The following AJAP1 variants were observed in gnomAD, a reference collection of about 807,000 sequenced individuals.
AJAP1 encodes adherens junctions associated protein 1.
In AJAP1, 5 loss-of-function variants were observed where a neutral mutation model predicts 35.0. The ratio of observed to expected loss-of-function variants is 0.14; its 90% CI spans 0.07 to 0.30. AJAP1 has a LOEUF of 0.30. AJAP1 is among the 10% of genes least tolerant of loss of function. AJAP1 has a pLI of 1.00. For synonymous variants in AJAP1, 284 were observed against 249.3 expected, an observed-to-expected ratio of 1.14 and a Z score of -1.31; for missense variants, 586 against 571.0, an observed-to-expected ratio of 1.03 and a Z score of -0.27.
chr1:4,688,853 T>C (rs1172686187), intron 1 of AJAP1, among the ~76,000 whole-genome samples: 1 of 151,448 alleles, frequency 6.6e-6, no homozygotes, highest in Non-Finnish European at 1.5e-5. Context: ...ATACTCGAAC[T>C]GTATTAACTC....
intron 4 of AJAP1, among the ~76,000 whole-genome samples, chr1:4,772,997 AC>A (rs1448452430): frequency 6.6e-6 from 1 of 152,228 alleles, no homozygotes; most frequent in East Asian, 1.9e-4. Context: ...GAAGTACGTT[AC>A]TAAATGCTCC....
intron 1 of AJAP1, among the ~76,000 whole-genome samples, chr1:4,685,794 C>T (rs1639591354): frequency 6.6e-6 from 1 of 152,186 alleles, no homozygotes; most frequent in Non-Finnish European, 1.5e-5. Flanking sequence ...GAAGCCATGG[C>T]CTTTCCTGGG....
chr1:4,717,086 C>T (rs983944184), intron 2 of AJAP1, among the ~76,000 whole-genome samples: 1 of 152,228 alleles, frequency 6.6e-6, no homozygotes, highest in Non-Finnish European at 1.5e-5. Flanking sequence ...TCTATGACAG[C>T]TCTCTTGCTG....
At chr1:4,725,522 G>A (rs547629450) in intron 2 of AJAP1, among the ~76,000 whole-genome samples, 1 of 152,244 alleles carries the variant, frequency 6.6e-6, no homozygotes, top group South Asian at 2.1e-4. Flanking sequence ...CCTTCGAGGG[G>A]GCTTGAGGTT....
intron 2 of AJAP1, among the ~76,000 whole-genome samples, chr1:4,735,129 C>A (rs1045871988): frequency 3.9e-5 from 6 of 152,248 alleles, no homozygotes; most frequent in African/African-American, 1.4e-4. Flanking sequence ...GAGCTCCGCA[C>A]CAGCGGCAGG....
chr1:4,753,698 A>G (rs1394399529), intron 2 of AJAP1, among the ~76,000 whole-genome samples: 1 of 152,078 alleles, frequency 6.6e-6, no homozygotes, highest in Non-Finnish European at 1.5e-5. Context: ...TCAGCCTCCC[A>G]TGTAGCTGGG....
rs965024717 is a variant in AJAP1, at chr1:4,731,025, T to A, written c.829+18326T>A. On this transcript the variant is annotated intron_variant, in intron 2 of 5. Transcript: ENST00000378191. ...TGTTTTCACCATAAGAACATTTGTT[T>A]TTTGTTTTGATTTTTTAATTTTATT... 2.6e-5 allele frequency among the ~76,000 whole-genome samples: 4 copies of A among 152,198 alleles called. 1 individual carries two copies. The highest frequency in any genetic ancestry group is 2.6e-4 in the Admixed American group (4 of 15,276).
rs1642142850 is a variant in AJAP1, at chr1:4,785,240, C to T, written c.*2755C>T. On this transcript the variant is annotated 3_prime_UTR_variant, in exon 6 of 6. Coordinates refer to ENST00000378191, the MANE Select transcript of AJAP1 (RefSeq NM_018836.4). The stretch of plus-strand genomic sequence containing the variant: ...ACCCTCTTGTCCCCGATAAGAGCCA[C>T]AGATTCAAGGCAGGGCTGTGAGACC... 1 of 152,230 alleles carries T rather than the reference C, an allele frequency of 6.6e-6. No individual in the cohort carries two copies. The highest frequency in any genetic ancestry group is 6.5e-5 in the Admixed American group (1 of 15,286). 9.4% of individuals were successfully genotyped at this position (152,230 alleles called of 1,614,324 possible).
chr1:4,712,847 C>A (rs896878094), intron 2 of AJAP1, 148 bp downstream of exon 2: 13 of 780,708 alleles, frequency 1.7e-5, no homozygotes, highest in Non-Finnish European at 2.4e-5. Flanking sequence ...CTTGCACATG[C>A]CTGTAGACTG....
At chr1:4,756,902 C>T (rs1158530544) in intron 2 of AJAP1, among the ~76,000 whole-genome samples, 1 of 152,052 alleles carries the variant, frequency 6.6e-6, no homozygotes, top group Non-Finnish European at 1.5e-5. Context: ...GTGCCCCCTC[C>T]AAGTGTGGAA....
chr1:4,736,586 CCCT>C (rs1218391401), intron 2 of AJAP1, among the ~76,000 whole-genome samples: 1 of 152,218 alleles, frequency 6.6e-6, no homozygotes, highest in Non-Finnish European at 1.5e-5. Context: ...AAAAGTGAGG[CCCT>C]GACTCCCCAG....
In AJAP1 at chr1:4,764,202, C is replaced by T. The variant is rs532983981; in HGVS notation, c.830-5651C>T. On this transcript the variant is annotated intron_variant, in intron 2 of 5. Transcript: ENST00000378191. ...TCTATATTTCATTGGTTTTGTTTCT[C>T]TGGAGAACCCTGACGAATACATTCA... is the stretch of plus-strand genomic sequence containing the variant. Among the ~76,000 whole-genome samples the T allele has an allele frequency of 7.9e-5, 12 of 152,282 alleles. No homozygotes were observed. In the South Asian group the frequency reaches 2.5e-3, roughly 32 times the overall value.
At chr1:4,707,241 C>T (rs965637259) in intron 1 of AJAP1, among the ~76,000 whole-genome samples, 1 of 152,210 alleles carries the variant, frequency 6.6e-6, no homozygotes, top group African/African-American at 2.4e-5. Flanking sequence ...ACAACCCTTG[C>T]ACACACCCCA....
In AJAP1 at chr1:4,720,463, C is replaced by G. The variant is rs1216063023; in HGVS notation, c.829+7764C>G. On this transcript the variant is annotated intron_variant, in intron 2 of 5. Transcript: ENST00000378191. The surrounding 1 kb of genome is among the most constrained non-coding windows in gnomAD (Gnocchi z 4.4). ...GGCCATGTCAGGGACAAAGCTGGTGCCAGCGGAGAGAGCGCCCACCTTGGC... is the reference window on the plus strand; with the variant it reads ...GGCCATGTCAGGGACAAAGCTGGTGGCAGCGGAGAGAGCGCCCACCTTGGC... Among the ~76,000 whole-genome samples, 1 of 152,216 alleles carries G rather than the reference C, an allele frequency of 6.6e-6. No homozygotes were observed. The highest frequency in any genetic ancestry group is 1.9e-4 in the East Asian group (1 of 5,186).
At chr1:4,661,942 G>A (rs1009752753) in intron 1 of AJAP1, among the ~76,000 whole-genome samples, 9 of 152,130 alleles carry the variant, frequency 5.9e-5, no homozygotes, top group Admixed American at 5.2e-4. Context: ...GGCCTCTATC[G>A]AGAGCTTTCT....
Position 4,746,877 on chromosome 1 carries a change from C to T in AJAP1, c.830-22976C>T, listed in dbSNP as rs532683151. Reference sequence around the variant, plus strand: ...ATTGACAAGGCAGCTGGTGGTACGACACCTCCTAGGTGTTCACCACCAGCC... The same window carrying T: ...ATTGACAAGGCAGCTGGTGGTACGATACCTCCTAGGTGTTCACCACCAGCC... On this transcript the variant is annotated intron_variant, in intron 2 of 5. Transcript: ENST00000378191. 1.1e-3 allele frequency among the ~76,000 whole-genome samples: 169 copies of T among 152,336 alleles called. 1 individual carries two copies. Among genetic ancestry groups the T allele is most frequent in the African/African-American group, 3.9e-3 (161 of 41,586 alleles).
intron 1 of AJAP1, among the ~76,000 whole-genome samples, chr1:4,700,921 G>C (rs1639973135): frequency 6.6e-6 from 1 of 152,162 alleles, no homozygotes; most frequent in Non-Finnish European, 1.5e-5. Context: ...GGACAGGGGA[G>C]CGGGGCCCAG....
chr1:4,730,674 G>A (rs527635065), intron 2 of AJAP1, among the ~76,000 whole-genome samples: 22 of 152,272 alleles, frequency 1.4e-4, no homozygotes, highest in Admixed American at 1.4e-3. Context: ...GAAAGGACCC[G>A]TGTTCCCAGG....
intron 2 of AJAP1, among the ~76,000 whole-genome samples, chr1:4,738,394 T>C (rs968604950): frequency 1.3e-5 from 2 of 152,220 alleles, no homozygotes; most frequent in African/African-American, 4.8e-5. Context: ...GGAGTTAGCA[T>C]GCGTGAGGGG....
Sources: gnomAD v4.1 joint callset for allele counts (sites outside exome capture counted in the v4.1 genomes callset) on GRCh38, gnomAD v4.1.1 for gene constraint, Gnocchi (gnomAD v3.1) non-coding constraint, MANE v1.5 for transcripts, NCBI Gene and HGNC (gene_info 2026-07-23, HGNC 2026-07-21) for gene names.